Variants in ANKRD31 observed in about 807,000 individuals in gnomAD.
ANKRD31 encodes ankyrin repeat domain 31.
Under a neutral mutation model 186.0 loss-of-function variants are expected in ANKRD31, and 147 were observed. The ratio of observed to expected loss-of-function variants is 0.79; its 90% CI spans 0.69 to 0.91. The LOEUF (loss-of-function observed/expected upper bound fraction) is 0.91, where lower values mean the gene tolerates loss of function less well. ANKRD31 is among the 40% of genes least tolerant of loss of function. ANKRD31 has a pLI of 0.00. For missense variants in ANKRD31, 1,986 were observed against 2,148.8 expected, an observed-to-expected ratio of 0.92 and a Z score of 1.50; for synonymous variants, 673 against 736.4, an observed-to-expected ratio of 0.91 and a Z score of 1.39.
At chr5:75,097,731 C>G (rs1021141620) in intron 22 of ANKRD31, among the ~76,000 whole-genome samples, 1 of 152,100 alleles carries the variant, frequency 6.6e-6, no homozygotes, top group African/African-American at 2.4e-5. Flanking sequence ...AAGTCCTTGC[C>G]CATGCCTATG....
At chr5:75,163,345 G>C (rs1752697390) in intron 11 of ANKRD31, among the ~76,000 whole-genome samples, 2 of 152,140 alleles carry the variant, frequency 1.3e-5, no homozygotes, top group Non-Finnish European at 2.9e-5. Flanking sequence ...ATGCACATAG[G>C]TCTTGGCCCC....
intron 24 of ANKRD31, among the ~76,000 whole-genome samples, chr5:75,083,188 G>A (rs967781412): frequency 6.6e-6 from 1 of 152,134 alleles, no homozygotes; most frequent in Admixed American, 6.5e-5. Flanking sequence ...TTTTGTACAT[G>A]AAACAAAGTT....
intron 2 of ANKRD31, among the ~76,000 whole-genome samples, chr5:75,227,303 G>A (rs940137258): frequency 5.3e-5 from 8 of 152,196 alleles, no homozygotes; most frequent in Admixed American, 2.0e-4. Context: ...TGAGAAGGAT[G>A]TAGGGATGGT....
chr5:75,188,372 G>T, intron 10 of ANKRD31, 121 bp downstream of exon 10: 3 of 941,314 alleles, frequency 3.2e-6, no homozygotes, highest in Non-Finnish European at 4.5e-6. Flanking sequence ...ACAGGAAAAT[G>T]ATCTGAAAGC....
intron 10 of ANKRD31, among the ~76,000 whole-genome samples, chr5:75,181,537 A>G (rs913256034): frequency 1.3e-5 from 2 of 152,160 alleles, no homozygotes; most frequent in Non-Finnish European, 2.9e-5. Flanking sequence ...CATATACACC[A>G]TGGAATACTA....
At position 75,137,471 on chromosome 5, in the gene ANKRD31, C is replaced by T. The variant is rs553417273; in HGVS notation, c.3876+385G>A. ...GGAAAACAAATGATTCCTGTTTTTA[C>T]CCCTAACCCACTGAGAAATTTTAAG... is the stretch of plus-strand genomic sequence containing the variant. On this transcript the variant is annotated intron_variant, in intron 17 of 25. Coordinates refer to ENST00000506364, the MANE Select transcript of ANKRD31 (RefSeq NM_001372053.1). Among the ~76,000 whole-genome samples the T allele has an allele frequency of 9.9e-5, 15 of 152,202 alleles. No homozygotes were observed. In the East Asian group the frequency reaches 2.9e-3, roughly 29 times the overall value.
intron 22 of ANKRD31, among the ~76,000 whole-genome samples, chr5:75,097,569 A>G (rs1165998243): frequency 6.6e-6 from 1 of 152,118 alleles, no homozygotes. Context: ...CCTTTGTCAG[A>G]TGGGTAGATT....
chr5:75,141,352 G>GTA (rs1197147393), intron 15 of ANKRD31, among the ~76,000 whole-genome samples: 1 of 152,062 alleles, frequency 6.6e-6, no homozygotes, highest in African/African-American at 2.4e-5. Context: ...GTGTGTGTGT[G>GTA]TGTATATATA....
In ANKRD31 at chr5:75,137,446, G is replaced by A. The variant is rs542669292; in HGVS notation, c.3876+410C>T. On this transcript the variant is annotated intron_variant, in intron 17 of 25. Transcript: ENST00000506364. ...AGAGAAAAAGATGCAACAAACACCCGGAAAACAAATGATTCCTGTTTTTAC... is the reference window on the plus strand; with the variant it reads ...AGAGAAAAAGATGCAACAAACACCCAGAAAACAAATGATTCCTGTTTTTAC... Among the ~76,000 whole-genome samples the A allele has an allele frequency of 5.9e-4, 90 of 151,964 alleles. 1 individual carries two copies. The highest frequency in any genetic ancestry group is 2.0e-3 in the African/African-American group (84 of 41,460).
intron 6 of ANKRD31, among the ~76,000 whole-genome samples, chr5:75,197,411 A>C (rs1413718502): frequency 6.6e-6 from 1 of 152,180 alleles, no homozygotes; most frequent in East Asian, 1.9e-4. Flanking sequence ...TACCTTTGAC[A>C]GGATGTGCTG....
At chr5:75,155,634 T>G (rs1263648269) in intron 11 of ANKRD31, among the ~76,000 whole-genome samples, 1 of 152,174 alleles carries the variant, frequency 6.6e-6, no homozygotes, top group Admixed American at 6.6e-5. Context: ...ATATGGTGAG[T>G]AGGCTTTAAG....
intron 12 of ANKRD31, 67 bp from the exon 13 acceptor site, chr5:75,148,695 C>A: frequency 8.2e-7 from 1 of 1,225,580 alleles, no homozygotes; most frequent in South Asian, 1.6e-5. Context: ...TTCTAAAACC[C>A]ACCAGTCCTT....
At chr5:75,223,534 GA>G (rs1305870336) in intron 2 of ANKRD31, among the ~76,000 whole-genome samples, 1 of 151,824 alleles carries the variant, frequency 6.6e-6, no homozygotes, top group Non-Finnish European at 1.5e-5. Flanking sequence ...CAAGTTCATA[GA>G]AAAATATGCA....
chr5:75,206,360 T>C (rs1373806977), intron 5 of ANKRD31, 51 bp downstream of exon 5: 2 of 1,115,146 alleles, frequency 1.8e-6, no homozygotes, highest in Non-Finnish European at 2.3e-6. Flanking sequence ...AAGTCTTCTA[T>C]TTTTAGGCAA....
intron 17 of ANKRD31, among the ~76,000 whole-genome samples, chr5:75,123,073 A>G (rs1186168487): frequency 6.6e-6 from 1 of 152,142 alleles, no homozygotes; most frequent in East Asian, 1.9e-4. Flanking sequence ...CTTAAGTTTG[A>G]TAATTGAATT....
intron 23 of ANKRD31, among the ~76,000 whole-genome samples, chr5:75,088,345 T>C (rs1486678248): frequency 2.0e-5 from 3 of 152,202 alleles, no homozygotes; most frequent in African/African-American, 7.2e-5. Flanking sequence ...ATGGGAAGTA[T>C]GTTTGCAGAA....
chr5:75,178,833 G>A (rs1754035140), intron 10 of ANKRD31, among the ~76,000 whole-genome samples: 1 of 152,154 alleles, frequency 6.6e-6, no homozygotes, highest in Non-Finnish European at 1.5e-5. Flanking sequence ...AACTAGAGAA[G>A]CAAGAGCAAA....
intron 10 of ANKRD31, among the ~76,000 whole-genome samples, chr5:75,178,751 T>C (rs907786599): frequency 4.0e-5 from 6 of 151,742 alleles, no homozygotes; most frequent in African/African-American, 1.2e-4. Context: ...AGAGGGAAAT[T>C]TATAGCACTA....
intron 10 of ANKRD31, among the ~76,000 whole-genome samples, chr5:75,186,724 T>A (rs186487242): frequency 3.8e-3 from 577 of 152,302 alleles, no homozygotes; most frequent in African/African-American, 0.013. Flanking sequence ...ATTTGTTTTT[T>A]AATCAAAGAC....
Sources: allele counts gnomAD v4.1 joint callset (sites outside exome capture counted in the v4.1 genomes callset), GRCh38; gene constraint gnomAD v4.1.1; transcripts MANE v1.5; gene names NCBI Gene and HGNC (gene_info 2026-07-23, HGNC 2026-07-21).